The following NRDE2 variants were observed in gnomAD, a reference collection of about 807,000 sequenced individuals.
The protein encoded by NRDE2 is nuclear exosome regulator NRDE2.
Under a neutral mutation model 124.2 loss-of-function variants are expected in NRDE2, and 76 were observed. That is an observed-to-expected ratio of 0.61 (90% CI 0.51 to 0.74). The LOEUF is 0.74. Among genes scored for constraint, NRDE2 ranks in the 30% least tolerant of loss-of-function variants. NRDE2 has a pLI of 0.00. For synonymous variants in NRDE2, 489 were observed against 528.1 expected, an observed-to-expected ratio of 0.93 and a Z score of 1.01; for missense variants, 1,314 against 1,417.3, an observed-to-expected ratio of 0.93 and a Z score of 1.17.
At position 90,292,740 on chromosome 14, in the gene NRDE2, G is replaced by A; in HGVS notation, c.1799C>T (p.Thr600Ile). ...ACAGTCTTCCTCGGTTTGCTTCTTG[G>A]TCTTATCAGGGCGCCAGGGCCGCCA... is the stretch of plus-strand genomic sequence containing the variant. ...RHWRPWRPDK[T>I]KKQTEEDCED... The change falls in exon 9 of 14, where the codon ACC becomes ATC. Residue 600 changes from threonine (T) to isoleucine (I), a missense_variant. Coordinates refer to ENST00000354366, the MANE Select transcript of NRDE2 (RefSeq NM_017970.4). 1 of 1,614,178 alleles carries A rather than the reference G, an allele frequency of 6.2e-7. No homozygotes were observed. Among genetic ancestry groups the A allele is most frequent in the African/African-American group, 1.3e-5 (1 of 75,028 alleles).
chr14:90,307,501 G>A (rs1884654532), intron 4 of NRDE2, among the ~76,000 whole-genome samples: 1 of 152,152 alleles, frequency 6.6e-6, no homozygotes, highest in South Asian at 2.1e-4. Context: ...CGAGGTGGGT[G>A]GATCAATTAA....
At chr14:90,292,375 C>G (rs1312983129) in intron 9 of NRDE2, among the ~76,000 whole-genome samples, 1 of 152,188 alleles carries the variant, frequency 6.6e-6, no homozygotes, top group Non-Finnish European at 1.5e-5. Flanking sequence ...CACAGGGCTC[C>G]ACATGAAAAA....
chr14:90,288,574 AGTTTT>A lies in NRDE2; in HGVS notation c.2796_2800del (p.Lys933GlufsTer76). ...GCCTTCTGGGAAAACAGAACTGTTC[AGTTTT>A]GCAAACACCTGTTCGTATATCTGCA... On this transcript the variant is annotated frameshift_variant, in exon 11 of 14. Transcript: ENST00000354366. LOFTEE classifies it high-confidence loss of function. 1 of 1,614,160 alleles carries A rather than the reference AGTTTT, an allele frequency of 6.2e-7. No individual in the cohort carries two copies. Among genetic ancestry groups the A allele is most frequent in the Non-Finnish European group, 8.5e-7 (1 of 1,179,990 alleles).
At chr14:90,320,993 T>C (rs938153323) in intron 1 of NRDE2, among the ~76,000 whole-genome samples, 1 of 152,218 alleles carries the variant, frequency 6.6e-6, no homozygotes, top group Admixed American at 6.5e-5. Context: ...AAAAGATATG[T>C]GAAACTAGTT....
chr14:90,302,729 C>T lies in NRDE2; in HGVS notation c.1402G>A (p.Ala468Thr). The stretch of plus-strand genomic sequence containing the variant: ...CTGGTTATCTCCTTACCAAACATGG[C>T]CTCTTCCGTGCCAGGCAACGCAGGG... ...SHPALPGTEE[A>T]MFALFLQQCH... Residue 468 changes from alanine (A) to threonine (T), a missense_variant, in exon 6 of 14, where the codon GCC (alanine) becomes ACC (threonine). Transcript: ENST00000354366. 6.2e-7 allele frequency: 1 copy of T among 1,604,522 alleles called. No individual in the cohort carries two copies. Among genetic ancestry groups the T allele is most frequent in the Non-Finnish European group, 8.5e-7 (1 of 1,174,796 alleles).
chr14:90,322,356 A>C (rs1885274521), intron 1 of NRDE2, among the ~76,000 whole-genome samples: 1 of 152,114 alleles, frequency 6.6e-6, no homozygotes. Flanking sequence ...CCCAAACTCC[A>C]TGAGGGCAGG....
chr14:90,290,079 C>T (rs1682150134), intron 10 of NRDE2, 142 bp downstream of exon 10: 2 of 854,640 alleles, frequency 2.3e-6, no homozygotes, highest in Non-Finnish European at 1.8e-6. Flanking sequence ...GGCAAACACA[C>T]ACAAGGTGCC....
In NRDE2 at chr14:90,278,187, TGA is replaced by T. The variant is rs1338441351; in HGVS notation, c.*147_*148del. 6 of 855,718 alleles carry T rather than the reference TGA, an allele frequency of 7.0e-6. No individual in the cohort carries two copies. The highest frequency in any genetic ancestry group is 1.7e-5 in the African/African-American group (1 of 59,186). 53.0% of individuals were successfully genotyped at this position (855,718 alleles called of 1,614,324 possible). On this transcript the variant is annotated 3_prime_UTR_variant, in exon 14 of 14. Transcript: ENST00000354366. ...ACACACCCAAAAAGTGTGCAAGATG[TGA>T]GAGGCTGGCAGCCCACATTATTACT... is the stretch of plus-strand genomic sequence containing the variant.
intron 1 of NRDE2, among the ~76,000 whole-genome samples, chr14:90,324,524 A>G (rs535971520): frequency 6.6e-6 from 1 of 151,974 alleles, no homozygotes; most frequent in Non-Finnish European, 1.5e-5. Context: ...AGAAATACAA[A>G]AATTAGCCAG....
chr14:90,274,795 CACACACA>C lies in NRDE2; in HGVS notation c.*3534_*3540del, dbSNP rs1646409032. 5.0e-5 allele frequency: 2 copies of C among 40,228 alleles called. No individual in the cohort carries two copies. 2.5% of individuals were successfully genotyped at this position (40,228 alleles called of 1,614,324 possible). A position where few individuals can be genotyped will look rare whatever the true frequency, so the allele number is the denominator to read the frequency against. On this transcript the variant is annotated 3_prime_UTR_variant, in exon 14 of 14. Coordinates refer to ENST00000354366, the MANE Select transcript of NRDE2 (RefSeq NM_017970.4). ...CCCTTTAAATAGGGAACTACACACA[CACACACA>C]CACACACACACACACACACACACAC...
At chr14:90,330,218 T>TAAAA (rs1566705557) in intron 1 of NRDE2, among the ~76,000 whole-genome samples, 9 of 60,290 alleles carry the variant, frequency 1.5e-4, no homozygotes, top group African/African-American at 7.6e-4. Flanking sequence ...AAAAAAAAAA[T>TAAAA]AAATAAATAA....
intron 6 of NRDE2, among the ~76,000 whole-genome samples, 174 bp from the exon 7 acceptor site, chr14:90,301,546 A>C (rs1884404067): frequency 6.6e-6 from 1 of 152,242 alleles, no homozygotes; most frequent in Non-Finnish European, 1.5e-5. Flanking sequence ...CAGTATTATA[A>C]TCCAAGTATG....
Position 90,269,407 on chromosome 14 carries a change from A to T in NRDE2, c.*8929T>A. 6.2e-7 allele frequency: 1 copy of T among 1,604,562 alleles called. No individual in the cohort carries two copies. Among genetic ancestry groups the T allele is most frequent in the Non-Finnish European group, 8.5e-7 (1 of 1,177,050 alleles). On this transcript the variant is annotated 3_prime_UTR_variant, in exon 14 of 14. Coordinates refer to ENST00000354366, the MANE Select transcript of NRDE2 (RefSeq NM_017970.4). ...TTTTTTTTTCCAAAGATATGACTCC[A>T]ATTCTGGTGGTGAGAGAGAAATTCA...
intron 7 of NRDE2, among the ~76,000 whole-genome samples, chr14:90,298,724 GA>G (rs1162672168): frequency 1.3e-5 from 2 of 152,198 alleles, no homozygotes; most frequent in Non-Finnish European, 2.9e-5. Context: ...GGTTCAGCAA[GA>G]AGGGTCTCCA....
chr14:90,297,673 C>T (rs1347291451), intron 8 of NRDE2, among the ~76,000 whole-genome samples: 1 of 152,136 alleles, frequency 6.6e-6, no homozygotes, highest in Non-Finnish European at 1.5e-5. Context: ...GTGGCTCACA[C>T]CTGTAATCCC....
At chr14:90,279,033 C>T in intron 13 of NRDE2, 29 bp downstream of exon 13, 2 of 1,546,412 alleles carry the variant, frequency 1.3e-6, no homozygotes, top group Non-Finnish European at 1.8e-6. Context: ...TTTCGGGAAG[C>T]TGAAGACACC....
intron 8 of NRDE2, among the ~76,000 whole-genome samples, chr14:90,294,457 T>C (rs1892354925): frequency 6.6e-6 from 1 of 152,124 alleles, no homozygotes; most frequent in Non-Finnish European, 1.5e-5. Flanking sequence ...GCAACCAAAA[T>C]GTGCATTGAC....
chr14:90,298,278 A>G lies in NRDE2; in HGVS notation c.1648T>C (p.Trp550Arg), dbSNP rs749245810. ...AWMHQQERGGWVVINPDEDDD... is the reference protein window; with the variant it reads ...AWMHQQERGGRVVINPDEDDD... Reference sequence around the variant, plus strand: ...GACTTACCTGGGTTGATGACCACCCAGCCACCTCGTTCCTGCTGGTGCATC... The same window carrying G: ...GACTTACCTGGGTTGATGACCACCCGGCCACCTCGTTCCTGCTGGTGCATC... Residue 550 changes from tryptophan (W) to arginine (R), a missense_variant, in exon 8 of 14, where the codon TGG becomes CGG. Trp to Arg is a moderately radical substitution (Grantham distance 101). Transcript: ENST00000354366. The G allele has an allele frequency of 8.1e-6, 13 of 1,613,568 alleles. No homozygotes were observed. The highest frequency in any genetic ancestry group is 1.3e-5 in the African/African-American group (1 of 74,936).
chr14:90,309,811 A>G (rs538323652), intron 4 of NRDE2, among the ~76,000 whole-genome samples: 1 of 152,338 alleles, frequency 6.6e-6, no homozygotes, highest in South Asian at 2.1e-4. Flanking sequence ...TTATATAGCT[A>G]CTAATCCAGG....
Sources: gnomAD v4.1 joint callset for allele counts (sites outside exome capture counted in the v4.1 genomes callset) on GRCh38, gnomAD v4.1.1 for gene constraint, MANE v1.5 for transcripts, NCBI Gene and HGNC (gene_info 2026-07-23, HGNC 2026-07-21) for gene names.